The following KCNIP4 variants were observed in gnomAD, a reference collection of about 807,000 sequenced individuals.
KCNIP4 encodes potassium voltage-gated channel interacting protein 4, also known as Kv channel-interacting protein 4.
A neutral mutation model predicts 34.0 loss-of-function variants in KCNIP4; 12 were observed. That is an observed-to-expected ratio of 0.35 (90% CI 0.23 to 0.57). The LOEUF is 0.57. KCNIP4 is among the 20% of genes least tolerant of loss of function. The pLI is 0.83. For missense variants in KCNIP4, 238 were observed against 311.7 expected, an observed-to-expected ratio of 0.76 and a Z score of 1.78; for synonymous variants, 124 against 102.2, an observed-to-expected ratio of 1.21 and a Z score of -1.29.
intron 1 of KCNIP4, among the ~76,000 whole-genome samples, chr4:21,917,946 G>A (rs940470998): frequency 2.6e-5 from 4 of 152,174 alleles, no homozygotes; most frequent in African/African-American, 4.8e-5. Context: ...CCACCTTGCA[G>A]TGAATTTGGC....
At chr4:21,022,386 A>T (rs1740156082) in intron 1 of KCNIP4, among the ~76,000 whole-genome samples, 2 of 152,356 alleles carry the variant, frequency 1.3e-5, no homozygotes, top group East Asian at 3.9e-4. Flanking sequence ...ATAACCTTTA[A>T]GCACAATCCA....
intron 1 of KCNIP4, among the ~76,000 whole-genome samples, chr4:21,441,595 GT>G (rs959920619): frequency 1.3e-5 from 2 of 152,068 alleles, no homozygotes; most frequent in African/African-American, 4.8e-5. Context: ...TACCCTTATT[GT>G]TTTTTGCTCC....
At chr4:20,826,432 A>G (rs1301161140) in intron 3 of KCNIP4, among the ~76,000 whole-genome samples, 1 of 151,498 alleles carries the variant, frequency 6.6e-6, no homozygotes, top group African/African-American at 2.4e-5. Flanking sequence ...TTTTTTTCCA[A>G]AATTTAGCCA....
chr4:21,306,054 TAA>T (rs1429542930), intron 1 of KCNIP4, among the ~76,000 whole-genome samples: 2 of 152,162 alleles, frequency 1.3e-5, no homozygotes, highest in Non-Finnish European at 2.9e-5. Flanking sequence ...TGCTGGATAA[TAA>T]AAGTCATCAA....
intron 1 of KCNIP4, among the ~76,000 whole-genome samples, chr4:20,910,498 G>T (rs1438498104): frequency 6.6e-6 from 1 of 152,126 alleles, no homozygotes; most frequent in Non-Finnish European, 1.5e-5. Context: ...GAAACATGGG[G>T]CTGAACATGA....
intron 1 of KCNIP4, among the ~76,000 whole-genome samples, chr4:21,364,196 C>G (rs961440726): frequency 6.6e-6 from 1 of 152,076 alleles, no homozygotes; most frequent in African/African-American, 2.4e-5. Context: ...TTACAACAAC[C>G]ATATTATTTT....
At chr4:21,061,832 C>A (rs1055285687) in intron 1 of KCNIP4, among the ~76,000 whole-genome samples, 8 of 152,124 alleles carry the variant, frequency 5.3e-5, no homozygotes, top group South Asian at 2.1e-4. Context: ...AAAATAGAGT[C>A]TTTAGGGTAA....
chr4:21,782,767 C>T (rs1345059716), intron 1 of KCNIP4, among the ~76,000 whole-genome samples: 1 of 152,020 alleles, frequency 6.6e-6, no homozygotes, highest in African/African-American at 2.4e-5. Context: ...TTGGAAACGG[C>T]CAAAATGTCC....
At chr4:21,794,454 C>A (rs1720501197) in intron 1 of KCNIP4, among the ~76,000 whole-genome samples, 1 of 152,116 alleles carries the variant, frequency 6.6e-6, no homozygotes, top group African/African-American at 2.4e-5. Flanking sequence ...AGCGTGAGCA[C>A]TGACAGCTTC....
chr4:21,122,636 C>T (rs1032244884), intron 1 of KCNIP4, among the ~76,000 whole-genome samples: 1 of 152,052 alleles, frequency 6.6e-6, no homozygotes, highest in Non-Finnish European at 1.5e-5. Context: ...GTTTCCAGGT[C>T]CTACCCCTGC....
At chr4:21,346,080 T>TATATATATATATATTATATAAAACAA (rs1461577641) in intron 1 of KCNIP4, among the ~76,000 whole-genome samples, 2 of 127,242 alleles carry the variant, frequency 1.6e-5, no homozygotes, top group East Asian at 3.0e-4. Flanking sequence ...ATATATATAT[T>TATATATATATATATTATATAAAACAA]TAAGATATTT....
Position 20,919,457 on chromosome 4 carries a change from A to G in KCNIP4, c.62-36748T>C, listed in dbSNP as rs1729172009. ...GGTGGCTCATGCCTGTAATCCCAGC[A>G]CTTCGGGAGGCCGAGGCGGGCAGAT... On this transcript the variant is annotated intron_variant, in intron 1 of 8. Transcript: ENST00000382152. Among the ~76,000 whole-genome samples, 3 of 151,780 alleles carry G rather than the reference A, an allele frequency of 2.0e-5. 1 individual carries two copies. Among genetic ancestry groups the G allele is most frequent in the South Asian group, 4.1e-4 (2 of 4,820 alleles).
chr4:21,044,820 T>C (rs1383109411), intron 1 of KCNIP4, among the ~76,000 whole-genome samples: 1 of 152,182 alleles, frequency 6.6e-6, no homozygotes, highest in Admixed American at 6.5e-5. Context: ...TCCAGGGGAA[T>C]CCTCTTCCAC....
chr4:21,076,039 A>T lies in KCNIP4; in HGVS notation c.62-193330T>A, dbSNP rs528810638. ...GTCTGACGGGTTTCCCTTTGTGGGT[A>T]ACCCGACCTTTCTCTCTGGCTACAC... On this transcript the variant is annotated intron_variant, in intron 1 of 8. Coordinates refer to ENST00000382152, the MANE Select transcript of KCNIP4 (RefSeq NM_025221.6). Among the ~76,000 whole-genome samples the T allele has an allele frequency of 1.4e-4, 21 of 152,254 alleles. No individual in the cohort carries two copies. In the South Asian group the frequency reaches 3.1e-3, roughly 23 times the overall value.
chr4:21,655,719 C>A (rs1003745596), intron 1 of KCNIP4, among the ~76,000 whole-genome samples: 3 of 152,168 alleles, frequency 2.0e-5, no homozygotes, highest in African/African-American at 7.2e-5. Context: ...GAAGATGGCA[C>A]ATCATGCATG....
chr4:20,849,474 T>C, intron 3 of KCNIP4, among the ~76,000 whole-genome samples: 1 of 152,118 alleles, frequency 6.6e-6, no homozygotes, highest in East Asian at 1.9e-4. Flanking sequence ...TAAATTGCTG[T>C]TGTGGATTCC....
chr4:21,667,161 T>C (rs113097670), intron 1 of KCNIP4, among the ~76,000 whole-genome samples: 156 of 152,288 alleles, frequency 1.0e-3, no homozygotes, highest in African/African-American at 3.6e-3. Flanking sequence ...CATCAGAAGA[T>C]GGTAGGACAT....
chr4:21,275,043 T>C (rs1199064521), intron 1 of KCNIP4, among the ~76,000 whole-genome samples: 1 of 152,074 alleles, frequency 6.6e-6, no homozygotes, highest in Non-Finnish European at 1.5e-5. Flanking sequence ...TTCTGGGCCC[T>C]GGTGTTAATA....
At chr4:21,930,421 A>C (rs575975860) in intron 1 of KCNIP4, among the ~76,000 whole-genome samples, 1 of 152,268 alleles carries the variant, frequency 6.6e-6, no homozygotes, top group African/African-American at 2.4e-5. Context: ...TGCTAAACAG[A>C]AGCAATTGAC....
Sources: gnomAD v4.1 joint callset for allele counts (sites outside exome capture counted in the v4.1 genomes callset) on GRCh38, gnomAD v4.1.1 for gene constraint, MANE v1.5 for transcripts, NCBI Gene and HGNC (gene_info 2026-07-23, HGNC 2026-07-21) for gene names.